FXYD1: variants seen among roughly 807,000 people sequenced by gnomAD.
FXYD1 encodes the protein phospholemman.
A neutral mutation model predicts 17.2 loss-of-function variants in FXYD1; 9 were observed. The observed-to-expected ratio is 0.52, with a 90% confidence interval of 0.32 to 0.91. The LOEUF is 0.91. FXYD1 is among the 40% of genes least tolerant of loss of function. The pLI is 0.04. For missense variants in FXYD1, 113 were observed against 120.6 expected (o/e 0.94, Z 0.29); for synonymous variants, 55 against 45.8 (o/e 1.20, Z -0.81).
chr19:35,142,944 C>G lies in FXYD1; in HGVS notation c.*57C>G, dbSNP rs968063094. The G allele has an allele frequency of 5.0e-6, 3 of 599,814 alleles. No individual in the cohort carries two copies. Among genetic ancestry groups the G allele is most frequent in the Non-Finnish European group, 8.9e-6 (3 of 335,422 alleles). The allele number at this position is 599,814 out of a possible 1,614,324, so 37.2% of individuals were successfully genotyped here. A position where few individuals can be genotyped will look rare whatever the true frequency, so the allele number is the denominator to read the frequency against. On this transcript the variant is annotated 3_prime_UTR_variant, in exon 8 of 8. Coordinates refer to ENST00000351325, the MANE Select transcript of FXYD1 (RefSeq NM_021902.4). ...CTCCCCTGGCACCTGACATCTCCCA[C>G]GCTCCACCTGCGCGCCCACCGCCCC... is the stretch of plus-strand genomic sequence containing the variant.
At chr19:35,142,207 C>G in intron 5 of FXYD1, 1 of 426,606 alleles carries the variant, frequency 2.3e-6, no homozygotes. Context: ...CTGCCAAGTC[C>G]CCATGACTAT....
intron 5 of FXYD1, 138 bp from the exon 6 acceptor site, chr19:35,142,334 C>G (rs1239673480): frequency 2.9e-6 from 2 of 680,686 alleles, no homozygotes; most frequent in African/African-American, 3.7e-5. Context: ...TCATTTCTGG[C>G]GGACCCCGAG....
chr19:35,142,434 C>G, intron 5 of FXYD1, 38 bp from the exon 6 acceptor site: 1 of 1,558,996 alleles, frequency 6.4e-7, no homozygotes, highest in Non-Finnish European at 8.8e-7. Context: ...GCCTCTCCCC[C>G]TTTCCATCCC....
At chr19:35,140,657 TG>T in intron 3 of FXYD1, 28 bp downstream of exon 3, 1 of 1,606,948 alleles carries the variant, frequency 6.2e-7, no homozygotes, top group Non-Finnish European at 8.5e-7. Flanking sequence ...TTTTGAGTCC[TG>T]GGGGAGAGCC....
Position 35,141,237 on chromosome 19 carries a change from C to A in FXYD1, c.169+31C>A, listed in dbSNP as rs368832295. On this transcript the variant is annotated intron_variant, in intron 4 of 7. Coordinates refer to ENST00000351325, the MANE Select transcript of FXYD1 (RefSeq NM_021902.4). ...TGCCCCTAGCTCCCGCCCTCTACCC[C>A]GCCTCTCCCTGGCCCCACCTCTCTC... 9.0e-6 allele frequency: 12 copies of A among 1,339,710 alleles called. No homozygotes were observed. In the East Asian group the frequency reaches 2.6e-4, roughly 28 times the overall value. The allele number at this position is 1,339,710 out of a possible 1,614,324, so 83.0% of individuals were successfully genotyped here. A position where few individuals can be genotyped will look rare whatever the true frequency, so the allele number is the denominator to read the frequency against.
chr19:35,139,968 CACTTCTGTGATTCAGTCCCCAG>C, intron 1 of FXYD1, 86 bp from the exon 2 acceptor site: 1 of 965,786 alleles, frequency 1.0e-6, no homozygotes, highest in Non-Finnish European at 1.7e-6. Context: ...AGAGGACAAA[CACTTCTGTGATTCAGTCCCCAG>C]ACTGTCTCTG....
chr19:35,142,303 T>A (rs1328840006), intron 5 of FXYD1, 169 bp from the exon 6 acceptor site: 6 of 595,746 alleles, frequency 1.0e-5, no homozygotes, highest in Non-Finnish European at 1.5e-5. Flanking sequence ...TGCCAGCACA[T>A]AAGCTGCTCC....
At chr19:35,138,199 T>C (rs901958483), upstream of FXYD1, 1 of 152,344 alleles carries the variant, frequency 6.6e-6, no homozygotes, top group Non-Finnish European at 1.5e-5. Flanking sequence ...GTCCGGGTCT[T>C]TGGGTTTCTC....
chr19:35,142,542 G>T, intron 6 of FXYD1, 21 bp downstream of exon 6: 4 of 1,609,442 alleles, frequency 2.5e-6, no homozygotes, highest in Non-Finnish European at 3.4e-6. Flanking sequence ...GGAGACTGCG[G>T]GTATTCTGGG....
At chr19:35,141,082 T>C (rs1304241092) in intron 3 of FXYD1, 50 bp from the exon 4 acceptor site, 2 of 1,148,092 alleles carry the variant, frequency 1.7e-6, no homozygotes, top group Non-Finnish European at 2.6e-6. Context: ...CCTCTCCTAT[T>C]CTCCCTCCTG....
chr19:35,142,837 G>A, intron 7 of FXYD1, 66 bp downstream of exon 7: 4 of 1,269,136 alleles, frequency 3.2e-6, no homozygotes, highest in Non-Finnish European at 4.5e-6. Flanking sequence ...AGAGGGAGGG[G>A]GCCAAGTGCC....
Position 35,140,077 on chromosome 19 carries a change from A to G in FXYD1, c.-3A>G, listed in dbSNP as rs774472470. 6.2e-7 allele frequency: 1 copy of G among 1,613,120 alleles called. No individual in the cohort carries two copies. Among genetic ancestry groups the G allele is most frequent in the Admixed American group, 1.7e-5 (1 of 60,008 alleles). ...CCTAATCCGTGGTGTCCCCCCCAGG[A>G]CAATGGCGTCTCTTGGCCACATCTT... On this transcript the variant is annotated splice_region_variant and 5_prime_UTR_variant, in exon 2 of 8. Transcript: ENST00000351325.
At position 35,142,867 on chromosome 19, in the gene FXYD1, G is replaced by A. The variant is rs1292956024; in HGVS notation, c.*30-50G>A. 4 of 898,748 alleles carry A rather than the reference G, an allele frequency of 4.5e-6. No homozygotes were observed. In the African/African-American group the frequency reaches 6.6e-5, roughly 15 times the overall value. 55.7% of individuals were successfully genotyped at this position (898,748 alleles called of 1,614,324 possible). On this transcript the variant is annotated intron_variant, in intron 7 of 7. Coordinates refer to ENST00000351325, the MANE Select transcript of FXYD1 (RefSeq NM_021902.4). ...AGTGCCAGAGTTGAAGGGCGGCGAG[G>A]GGTGGGGCTGGACGTCCCCCCTCGC...
chr19:35,143,085 A>T lies in FXYD1; in HGVS notation c.*198A>T. 3.6e-6 allele frequency: 2 copies of T among 548,726 alleles called. No individual in the cohort carries two copies. Among genetic ancestry groups the T allele is most frequent in the Non-Finnish European group, 6.4e-6 (2 of 313,234 alleles). The allele number at this position is 548,726 out of a possible 1,614,324, so 34.0% of individuals were successfully genotyped here. ...GTCGGTCTCGGTCCCTCAGCGCGAA[A>T]CGCCAGCGCCACTGGGCCCCAGCAG... On this transcript the variant is annotated 3_prime_UTR_variant, in exon 8 of 8. Transcript: ENST00000351325. The surrounding 1 kb of genome is among the most constrained non-coding windows in gnomAD (Gnocchi z 4.3).
chr19:35,139,961 G>A, intron 1 of FXYD1, 115 bp from the exon 2 acceptor site: 1 of 914,792 alleles, frequency 1.1e-6, no homozygotes, highest in East Asian at 2.4e-5. Flanking sequence ...CCAAGATAGA[G>A]GACAAACACT....
intron 1 of FXYD1, 77 bp from the exon 2 acceptor site, chr19:35,139,989 AGACTGTCTCT>A: frequency 8.6e-7 from 1 of 1,166,330 alleles, no homozygotes; most frequent in East Asian, 2.3e-5. Flanking sequence ...TTCAGTCCCC[AGACTGTCTCT>A]GACTTAATCC....
At chr19:35,139,261 C>CTGTGTGTGTGTGTGTGTG (rs56256016) in intron 1 of FXYD1, 2 of 146,326 alleles carry the variant, frequency 1.4e-5, no homozygotes, top group African/African-American at 2.6e-5. Context: ...TCCGGCCCCA[C>CTGTGTGTGTGTGTGTGTG]TGTGTGTGTG....
At chr19:35,142,252 AT>A in intron 5 of FXYD1, 1 of 444,320 alleles carries the variant, frequency 2.3e-6, no homozygotes, top group Non-Finnish European at 4.0e-6. Context: ...CTGCCCCCAA[AT>A]CCGCGGAGGT....
intron 5 of FXYD1, chr19:35,142,142 C>T (rs2065262188): frequency 6.4e-6 from 2 of 310,736 alleles, no homozygotes; most frequent in Non-Finnish European, 1.2e-5. Context: ...TTCAAGATCA[C>T]TCAAGTGGAA....
Sources: allele counts gnomAD v4.1 joint callset, GRCh38; gene constraint gnomAD v4.1.1; non-coding constraint Gnocchi (gnomAD v3.1); transcripts MANE v1.5; gene names NCBI Gene and HGNC (gene_info 2026-07-23, HGNC 2026-07-21).